The following MAGED2 variants were observed in gnomAD, a reference collection of about 807,000 sequenced individuals.
MAGED2 encodes melanoma-associated antigen D2.
In MAGED2, 6 loss-of-function variants were observed where a neutral mutation model predicts 41.7. That is an observed-to-expected ratio of 0.14 (90% confidence interval 0.08 to 0.28). The LOEUF is 0.28. MAGED2 is among the 10% of genes least tolerant of loss of function. The pLI, the probability that MAGED2 is intolerant of heterozygous loss-of-function variation, is 1.00. For missense variants in MAGED2, 343 were observed against 486.4 expected, an observed-to-expected ratio of 0.71 and a Z score of 2.77; for synonymous variants, 146 against 178.2, an observed-to-expected ratio of 0.82 and a Z score of 1.44.
At chrX:54,810,625 C>T (rs886189841) in intron 3 of MAGED2, among the ~76,000 whole-genome samples, 196 bp from the exon 4 acceptor site, 5 of 112,002 alleles carry the variant, frequency 4.5e-5, no homozygotes, top group Non-Finnish European at 9.4e-5. Flanking sequence ...TGGTTTGCTC[C>T]TGGCCTGCTA....
In MAGED2 at chrX:54,813,518, G is replaced by T. The variant is rs1441365927; in HGVS notation, c.1239G>T (p.Lys413Asn). ...GIHHSLFGDVKKLITDEFVKQ... is the reference protein window; with the variant it reads ...GIHHSLFGDVNKLITDEFVKQ... ...ATCATTCACTCTTTGGGGACGTGAA[G>T]AAGCTCATCACTGATGAGTTTGTGA... Residue 413 changes from lysine (K) to asparagine (N), a missense_variant, in exon 10 of 13, where the codon AAG becomes AAT. Lys to Asn is a moderately conservative substitution (Grantham distance 94). Transcript: ENST00000375068. The T allele has an allele frequency of 1.7e-6, 2 of 1,209,046 alleles. No homozygotes were observed. Among genetic ancestry groups the T allele is most frequent in the South Asian group, 3.5e-5 (2 of 56,912 alleles).
At chrX:54,813,634 C>T in intron 10 of MAGED2, 84 bp downstream of exon 10, 3 of 790,589 alleles carry the variant, frequency 3.8e-6, no homozygotes, top group Middle Eastern at 5.7e-4. Flanking sequence ...TGCATGGATG[C>T]ATGTGTCTAT....
chrX:54,814,288 T>G (rs1569544682), intron 10 of MAGED2: 127 of 359,197 alleles, frequency 3.5e-4, no homozygotes, highest in Non-Finnish European at 9.5e-5. Flanking sequence ...CTATTGGCTG[T>G]TCTTCCTCTG....
chrX:54,812,904 G>T, intron 7 of MAGED2, 41 bp from the exon 8 acceptor site: 1 of 1,044,808 alleles, frequency 9.6e-7, no homozygotes, highest in East Asian at 3.1e-5. Context: ...TGTTGCAGAT[G>T]GCTGCTGAAC....
rs1396235427 is a variant in MAGED2, at chrX:54,815,342, A to C, written c.1481A>C (p.Lys494Thr). 2.5e-6 allele frequency: 3 copies of C among 1,205,937 alleles called. No individual in the cohort carries two copies. The highest frequency in any genetic ancestry group is 4.4e-5 in the Admixed American group (2 of 45,499). Residue 494 changes from lysine (K) to threonine (T), a missense_variant, in exon 12 of 13, where the codon AAG becomes ACG. This residue lies in a region of MAGED2 where 95 missense variants were observed against 204.8 expected (regional missense o/e 0.46). Coordinates refer to ENST00000375068, the MANE Select transcript of MAGED2 (RefSeq NM_177433.3). ...KAAAEAAAEA[K>T]ARAEIRARMG... ...GCAGCTGAGGCTGCAGCTGAAGCCAAGGCTAGGGCCGAGATTAGAGCTCGA... is the reference window on the plus strand; with the variant it reads ...GCAGCTGAGGCTGCAGCTGAAGCCACGGCTAGGGCCGAGATTAGAGCTCGA...
intron 3 of MAGED2, 50 bp from the exon 4 acceptor site, chrX:54,810,771 G>A (rs1483680156): frequency 9.3e-7 from 1 of 1,071,072 alleles, no homozygotes; most frequent in Admixed American, 3.1e-5. Context: ...GAGAGGAAAA[G>A]GACCACTTGC....
intron 3 of MAGED2, 26 bp from the exon 4 acceptor site, chrX:54,810,795 G>A (rs954648502): frequency 4.4e-6 from 5 of 1,136,043 alleles, no homozygotes; most frequent in African/African-American, 1.8e-5. Context: ...ATCTGGTGAC[G>A]TTGAGCTTCC....
rs995198305 is a variant in MAGED2, at chrX:54,812,305, C to T, written c.1085+54C>T. ...GGGCTTCTGCTTTGGCCATGTGCTG[C>T]TACTCCTCCTTTGTCCTACTTCCCC... is the stretch of plus-strand genomic sequence containing the variant. On this transcript the variant is annotated intron_variant, in intron 7 of 12. Transcript: ENST00000375068. 4 of 752,785 alleles carry T rather than the reference C, an allele frequency of 5.3e-6. No homozygotes were observed. The Admixed American group carries it at 8.3e-5, about 16-fold the overall frequency. The allele number at this position is 752,785 out of a possible 1,213,427, so 62.0% of individuals were successfully genotyped here. A position where few individuals can be genotyped will look rare whatever the true frequency, so the allele number is the denominator to read the frequency against.
rs966699158 is a variant in MAGED2, at chrX:54,810,702, A to G, written c.538-119A>G. On this transcript the variant is annotated intron_variant, in intron 3 of 12. Coordinates refer to ENST00000375068, the MANE Select transcript of MAGED2 (RefSeq NM_177433.3). ...CCAGGGTTCAGCATGGCCAACATCT[A>G]TTGAGTCAGGCTGTTACTACAGGGG... 1.2e-4 allele frequency: 68 copies of G among 566,130 alleles called. No individual in the cohort carries two copies. In the South Asian group the frequency reaches 1.3e-3, roughly 11 times the overall value. 46.7% of individuals were successfully genotyped at this position (566,130 alleles called of 1,213,427 possible). A position where few individuals can be genotyped will look rare whatever the true frequency, so the allele number is the denominator to read the frequency against.
chrX:54,809,541 C>T lies in MAGED2; in HGVS notation c.45+165C>T, dbSNP rs757372521. On this transcript the variant is annotated intron_variant, in intron 2 of 12. Transcript: ENST00000375068. The stretch of plus-strand genomic sequence containing the variant: ...AGGGAGGGAGAGAAGGTGGGCGGGC[C>T]CCTCTTCTGCCATCAGTTCTTGCTC... Among the ~76,000 whole-genome samples the T allele has an allele frequency of 4.5e-5, 5 of 111,431 alleles. No individual in the cohort carries two copies. In the Admixed American group the frequency reaches 4.7e-4, roughly 11 times the overall value.
intron 12 of MAGED2, 34 bp from the exon 13 acceptor site, chrX:54,815,847 T>G (rs932421376): frequency 2.3e-6 from 1 of 437,401 alleles, no homozygotes; most frequent in Admixed American, 4.3e-5. Context: ...GGATGTCAAT[T>G]GACCCTTTTA....
chrX:54,811,697 G>A (rs776248883), intron 6 of MAGED2, 44 bp downstream of exon 6: 1 of 982,945 alleles, frequency 1.0e-6, no homozygotes, highest in Non-Finnish European at 1.4e-6. Context: ...GGGAAGCCTT[G>A]AATTGAACAA....
At position 54,815,990 on chromosome X, in the gene MAGED2, G is replaced by A; in HGVS notation, c.*118G>A. On this transcript the variant is annotated 3_prime_UTR_variant, in exon 13 of 13. Coordinates refer to ENST00000375068, the MANE Select transcript of MAGED2 (RefSeq NM_177433.3). ...ATCAATCAATTGAAGTTGACACTCT[G>A]CATTAAATCTATTTGCCATTTCTGA... 1 of 233,249 alleles carries A rather than the reference G, an allele frequency of 4.3e-6. No individual in the cohort carries two copies. Among genetic ancestry groups the A allele is most frequent in the Non-Finnish European group, 7.7e-6 (1 of 129,971 alleles). The allele number at this position is 233,249 out of a possible 1,213,427, so 19.2% of individuals were successfully genotyped here.
In MAGED2 at chrX:54,811,564, C is replaced by T. The variant is rs1382741427; in HGVS notation, c.911-10C>T. The T allele has an allele frequency of 6.7e-6, 8 of 1,185,674 alleles. No homozygotes were observed. The East Asian group carries it at 2.4e-4, about 35-fold the overall frequency. On this transcript the variant is annotated splice_polypyrimidine_tract_variant and intron_variant, in intron 5 of 12. Transcript: ENST00000375068. ...TTCAGTCAGGTGCTCACAACACTCT[C>T]CCCTTGCAGACATGCTGAAGGACAT...
chrX:54,808,042 A>T (rs1278970522), intron 1 of MAGED2, among the ~76,000 whole-genome samples: 1 of 107,968 alleles, frequency 9.3e-6, no homozygotes. Context: ...TGGGAGGGGG[A>T]CGAGGAATAC....
At chrX:54,809,193 G>T in intron 1 of MAGED2, 110 bp from the exon 2 acceptor site, 2 of 534,781 alleles carry the variant, frequency 3.7e-6, no homozygotes, top group Non-Finnish European at 6.6e-6. Flanking sequence ...TGGGGGTGGT[G>T]GAGGGGGTTG....
chrX:54,808,788 C>A (rs1194316537), intron 1 of MAGED2, among the ~76,000 whole-genome samples: 1 of 110,966 alleles, frequency 9.0e-6, no homozygotes, highest in African/African-American at 3.3e-5. Context: ...GGGCAGGGGG[C>A]GGGACCGAAT....
chrX:54,808,084 A>G (rs1929670188), intron 1 of MAGED2, among the ~76,000 whole-genome samples: 1 of 110,288 alleles, frequency 9.1e-6, no homozygotes, highest in African/African-American at 3.3e-5. Context: ...GGGGGAGTGA[A>G]GATCCAGAGA....
intron 12 of MAGED2, 91 bp from the exon 13 acceptor site, chrX:54,815,790 A>G (rs760408042): frequency 5.5e-6 from 3 of 544,871 alleles, no homozygotes; most frequent in Non-Finnish European, 8.7e-6. Flanking sequence ...TGATGTGGAG[A>G]GTGTGCCAAG....
Sources: allele counts gnomAD v4.1 joint callset (sites outside exome capture counted in the v4.1 genomes callset), GRCh38; gene constraint gnomAD v4.1.1; regional missense constraint gnomAD v4.1.1; transcripts MANE v1.5; gene names NCBI Gene and HGNC (gene_info 2026-07-23, HGNC 2026-07-21).